The following ALDH1A2 variants were observed in gnomAD, a reference collection of about 807,000 sequenced individuals.
The protein encoded by ALDH1A2 is retinal dehydrogenase 2.
ALDH1A2 carries 27 observed loss-of-function variants against 60.3 expected under a neutral mutation model. The observed-to-expected ratio is 0.45, with a 90% CI of 0.33 to 0.62. The LOEUF is 0.62. Among genes scored for constraint, ALDH1A2 ranks in the 20% least tolerant of loss-of-function variants. The pLI, the probability that ALDH1A2 is intolerant of heterozygous loss-of-function variation, is 0.02. For missense variants in ALDH1A2, 581 were observed against 643.8 expected (o/e 0.90, Z 1.06); for synonymous variants, 289 against 232.4 (o/e 1.24, Z -2.21).
chr15:58,033,516 T>TA (rs1300783003), intron 1 of ALDH1A2, among the ~76,000 whole-genome samples: 1 of 151,888 alleles, frequency 6.6e-6, no homozygotes, highest in Non-Finnish European at 1.5e-5. Flanking sequence ...ATCAATATCT[T>TA]AAACCTCCCC....
chr15:58,024,273 T>C (rs1293575138), intron 1 of ALDH1A2, among the ~76,000 whole-genome samples: 1 of 151,428 alleles, frequency 6.6e-6, no homozygotes, highest in African/African-American at 2.4e-5. Context: ...AGAAAAGAGA[T>C]ATAATGGCTG....
chr15:57,956,959 G>C (rs187233857), intron 12 of ALDH1A2, among the ~76,000 whole-genome samples: 74 of 152,250 alleles, frequency 4.9e-4, no homozygotes, highest in African/African-American at 1.7e-3. Flanking sequence ...CTACCGTTTG[G>C]GTGTGTGATG....
In ALDH1A2 at chr15:58,065,567, C is replaced by T. The variant is rs756005921; in HGVS notation, c.84G>A (p.Ser28=). 2.5e-6 allele frequency: 4 copies of T among 1,613,406 alleles called. No individual in the cohort carries two copies. The African/African-American group carries it at 5.3e-5, about 22-fold the overall frequency. The part of the protein sequence containing the change: ...ALMASLHLLP[S]PTPNLEIKYT... ...ACTTAATTTCGAGATTGGGCGTGGG[C>T]GACGGCAGGAGGTGCAGCGACGCCA... The change falls in exon 1 of 13, where the codon TCG becomes TCA. Residue 28 remains serine (S), a synonymous_variant. Transcript: ENST00000249750.
intron 9 of ALDH1A2, 21 bp downstream of exon 9, chr15:57,963,864 G>A: frequency 6.2e-7 from 1 of 1,613,642 alleles, no homozygotes; most frequent in Non-Finnish European, 8.5e-7. Flanking sequence ...TAAACAAAGG[G>A]AATGGTTATG....
chr15:57,981,626 G>A (rs890283793), intron 7 of ALDH1A2, among the ~76,000 whole-genome samples: 2 of 152,018 alleles, frequency 1.3e-5, no homozygotes, highest in African/African-American at 2.4e-5. Flanking sequence ...TAAACAATTC[G>A]CCAAAAGTCA....
At chr15:57,955,578 C>T (rs370142134) in intron 12 of ALDH1A2, among the ~76,000 whole-genome samples, 1 of 152,372 alleles carries the variant, frequency 6.6e-6, no homozygotes, top group African/African-American at 2.4e-5. Context: ...ACTCAGAGAA[C>T]TACCATCAGC....
At chr15:57,956,637 T>C (rs953043431) in intron 12 of ALDH1A2, among the ~76,000 whole-genome samples, 2 of 152,190 alleles carry the variant, frequency 1.3e-5, no homozygotes, top group African/African-American at 4.8e-5. Context: ...GCCCCACTCG[T>C]TGCATGCTTC....
intron 1 of ALDH1A2, among the ~76,000 whole-genome samples, chr15:58,022,245 C>T (rs1895947510): frequency 6.6e-6 from 1 of 152,076 alleles, no homozygotes; most frequent in Admixed American, 6.6e-5. Flanking sequence ...TGGAGATTGC[C>T]CAACCCAATC....
chr15:58,063,899 C>A (rs540346560), intron 1 of ALDH1A2, among the ~76,000 whole-genome samples: 4 of 152,258 alleles, frequency 2.6e-5, no homozygotes, highest in African/African-American at 9.6e-5. Flanking sequence ...AATCAGTTGT[C>A]TTTCCTACTG....
intron 4 of ALDH1A2, among the ~76,000 whole-genome samples, chr15:58,003,993 T>A (rs1194854797): frequency 6.6e-6 from 1 of 151,876 alleles, no homozygotes; most frequent in African/African-American, 2.4e-5. Flanking sequence ...TGAATCAAAC[T>A]AGTATTGCAT....
At chr15:58,014,083 G>C in intron 2 of ALDH1A2, 85 bp from the exon 3 acceptor site, 1 of 1,613,924 alleles carries the variant, frequency 6.2e-7, no homozygotes, top group Non-Finnish European at 8.5e-7. Flanking sequence ...AGTGAAGCAT[G>C]AGCATGTAGT....
At chr15:57,996,912 T>C (rs1336301212) in intron 4 of ALDH1A2, among the ~76,000 whole-genome samples, 1 of 152,010 alleles carries the variant, frequency 6.6e-6, no homozygotes, top group Non-Finnish European at 1.5e-5. Flanking sequence ...TTTTCATGCT[T>C]ATATTGTTTG....
chr15:58,008,678 G>C (rs1476496261), intron 4 of ALDH1A2, among the ~76,000 whole-genome samples: 1 of 152,042 alleles, frequency 6.6e-6, no homozygotes, highest in African/African-American at 2.4e-5. Context: ...AAACATATTT[G>C]TTGTTTTAAT....
chr15:57,955,332 C>A (rs1293864013), intron 12 of ALDH1A2, 63 bp from the exon 13 acceptor site: 1 of 1,563,776 alleles, frequency 6.4e-7, no homozygotes, highest in South Asian at 1.1e-5. Flanking sequence ...GTGAGTGCAG[C>A]GGGAGTCCTG....
At chr15:57,964,692 G>A (rs1893837643) in intron 8 of ALDH1A2, 1 of 152,880 alleles carries the variant, frequency 6.5e-6, no homozygotes, top group Non-Finnish European at 1.5e-5. Flanking sequence ...GATTGACATG[G>A]ACTTGTGTAA....
intron 4 of ALDH1A2, among the ~76,000 whole-genome samples, chr15:58,005,998 A>AT (rs1442240777): frequency 1.4e-3 from 213 of 149,776 alleles, no homozygotes; most frequent in African/African-American, 5.0e-3. Flanking sequence ...AGAGTCATTT[A>AT]CGGGCATGTA....
intron 4 of ALDH1A2, among the ~76,000 whole-genome samples, chr15:58,008,076 G>C (rs1895515818): frequency 6.6e-6 from 1 of 152,036 alleles, no homozygotes; most frequent in Non-Finnish European, 1.5e-5. Context: ...AGAGAGGACA[G>C]CTGCCAAGTT....
At chr15:58,014,956 T>G (rs970251373) in intron 1 of ALDH1A2, among the ~76,000 whole-genome samples, 2 of 152,156 alleles carry the variant, frequency 1.3e-5, no homozygotes, top group African/African-American at 2.4e-5. Flanking sequence ...TGTATGAAAT[T>G]GAGATTAAAA....
chr15:58,014,021 A>G, intron 2 of ALDH1A2, 23 bp from the exon 3 acceptor site: 1 of 1,614,158 alleles, frequency 6.2e-7, no homozygotes, highest in Non-Finnish European at 8.5e-7. Flanking sequence ...AAGAGGCACA[A>G]CTGAAGAAAA....
Sources: allele counts gnomAD v4.1 joint callset (sites outside exome capture counted in the v4.1 genomes callset), GRCh38; gene constraint gnomAD v4.1.1; transcripts MANE v1.5; gene names NCBI Gene and HGNC (gene_info 2026-07-23, HGNC 2026-07-21).